The following PLXNA2 variants were observed in gnomAD, a reference collection of about 807,000 sequenced individuals.
The protein encoded by PLXNA2 is plexin-A2.
In PLXNA2, 91 loss-of-function variants were observed where a neutral mutation model predicts 193.5. The observed-to-expected ratio is 0.47, with a 90% CI of 0.40 to 0.56. The LOEUF (loss-of-function observed/expected upper bound fraction) is 0.56, where lower values mean the gene tolerates loss of function less well. Among genes scored for constraint, PLXNA2 ranks in the 20% least tolerant of loss-of-function variants. The probability of loss-of-function intolerance (pLI) is 0.00; values close to 1 mark genes in which losing one functional copy is unlikely to be tolerated. For missense variants in PLXNA2, 1,995 were observed against 2,503.2 expected (o/e 0.80, Z 4.33); for synonymous variants, 997 against 1,027.3 (o/e 0.97, Z 0.56).
rs758243005 is a variant in PLXNA2 at position 208,034,482 on chromosome 1, G to A, written c.4864+11C>T. The A allele has an allele frequency of 8.3e-6, 13 of 1,575,450 alleles. No individual in the cohort carries two copies. Among genetic ancestry groups the A allele is most frequent in the Middle Eastern group, 3.3e-4 (2 of 5,988 alleles). ...GCTCTGAGCTGCCCAGTCTGCCCTC[G>A]TGGTTCTCACCGTATCTGCTGATGG... is the stretch of plus-strand genomic sequence containing the variant. On this transcript the variant is annotated intron_variant, in intron 27 of 31. Transcript: ENST00000367033.
intron 3 of PLXNA2, among the ~76,000 whole-genome samples, chr1:208,185,705 A>AAG: frequency 7.7e-6 from 1 of 130,370 alleles, no homozygotes; most frequent in African/African-American, 2.9e-5. Flanking sequence ...GCAAAAAAAA[A>AAG]AAAAAAAAAA....
intron 27 of PLXNA2, 146 bp downstream of exon 27, chr1:208,034,347 G>A (rs1664604114): frequency 1.6e-6 from 1 of 616,102 alleles, no homozygotes. Context: ...GCCTGGACTA[G>A]GGAGGACAGA....
intron 3 of PLXNA2, among the ~76,000 whole-genome samples, chr1:208,190,912 C>T (rs1670158526): frequency 6.6e-6 from 1 of 152,202 alleles, no homozygotes; most frequent in African/African-American, 2.4e-5. Context: ...GGAGTACAGT[C>T]TACTCAGTCC....
chr1:208,199,930 C>A (rs778355758), intron 3 of PLXNA2, among the ~76,000 whole-genome samples: 24 of 152,212 alleles, frequency 1.6e-4, no homozygotes, highest in Non-Finnish European at 3.2e-4. Flanking sequence ...GCTACTAAAT[C>A]TATGATACAC....
chr1:208,073,584 C>A (rs10863693), intron 12 of PLXNA2, among the ~76,000 whole-genome samples: 31,911 of 152,074 alleles, frequency 0.21, 3,477 homozygotes, highest in Admixed American at 0.28. Flanking sequence ...GGCATCTCCC[C>A]CCTCTGATCA....
rs143539447 is a variant in PLXNA2, at chr1:208,084,481, C to T, written c.2197G>A (p.Gly733Ser). Residue 733 changes from glycine (G) to serine (S), a missense_variant, in exon 10 of 32, where the codon GGC becomes AGC. Around this residue, in one of 3 missense-constraint regions of PLXNA2, gnomAD observed 1,291 missense variants for 1,673.6 expected, o/e 0.77. Transcript: ENST00000367033. Reference sequence around the variant, plus strand: ...AGGACACACTCATAGCCTCGCTGGCCGGACTGCGGCTGGGGCAGATTTCGC... The same window carrying T: ...AGGACACACTCATAGCCTCGCTGGCTGGACTGCGGCTGGGGCAGATTTCGC... The part of the protein sequence containing the change: ...KARNLPQPQS[G>S]QRGYECVLNI... 5 of 1,614,244 alleles carry T rather than the reference C, an allele frequency of 3.1e-6. No homozygotes were observed. Among genetic ancestry groups the T allele is most frequent in the East Asian group, 2.2e-5 (1 of 44,878 alleles).
At chr1:208,090,515 C>T (rs1666673134) in intron 9 of PLXNA2, among the ~76,000 whole-genome samples, 1 of 152,152 alleles carries the variant, frequency 6.6e-6, no homozygotes, top group Admixed American at 6.5e-5. Context: ...GTGAGGAAGG[C>T]CGGGCCTGCT....
intron 3 of PLXNA2, among the ~76,000 whole-genome samples, chr1:208,157,599 G>A (rs1668975676): frequency 6.6e-6 from 1 of 152,118 alleles, no homozygotes; most frequent in African/African-American, 2.4e-5. Context: ...GGTGAGGTGG[G>A]GAGATACCAC....
chr1:208,200,130 T>A (rs183382316), intron 3 of PLXNA2, among the ~76,000 whole-genome samples: 1 of 152,150 alleles, frequency 6.6e-6, no homozygotes. Flanking sequence ...ATAGAAACCA[T>A]AACACAGGGT....
At chr1:208,060,278 C>T (rs532393419) in intron 13 of PLXNA2, among the ~76,000 whole-genome samples, 1 of 152,226 alleles carries the variant, frequency 6.6e-6, no homozygotes, top group Admixed American at 6.5e-5. Flanking sequence ...CCAGCGGAGG[C>T]CCTGCTCGGA....
At chr1:208,123,978 A>G (rs1667884985) in intron 4 of PLXNA2, among the ~76,000 whole-genome samples, 1 of 152,300 alleles carries the variant, frequency 6.6e-6, no homozygotes, top group African/African-American at 2.4e-5. Context: ...GAAACTATTT[A>G]AAGCCTATGT....
At chr1:208,143,189 C>A (rs1490419840) in intron 3 of PLXNA2, among the ~76,000 whole-genome samples, 1 of 152,232 alleles carries the variant, frequency 6.6e-6, no homozygotes, top group East Asian at 1.9e-4. Context: ...TAATCACAAT[C>A]TCTGTGGGTG....
intron 29 of PLXNA2, chr1:208,031,131 C>T (rs1190373119): frequency 3.8e-5 from 38 of 999,650 alleles, no homozygotes; most frequent in Admixed American, 1.0e-4. Flanking sequence ...CCAACTTCAC[C>T]GGGCGTCTCA....
In PLXNA2 at chr1:208,039,750, T is replaced by C; in HGVS notation, c.4371A>G (p.Pro1457=). 6.2e-7 allele frequency: 1 copy of C among 1,613,890 alleles called. No individual in the cohort carries two copies. The highest frequency in any genetic ancestry group is 2.2e-5 in the East Asian group (1 of 44,840). The change falls in exon 24 of 32, where the codon CCA becomes CCG. Residue 1457 remains proline, a synonymous_variant. Coordinates refer to ENST00000367033, the MANE Select transcript of PLXNA2 (RefSeq NM_025179.4). ...HKFLKECAGE[P]LFMLYCAIKQ... is the part of the protein sequence containing the mutation. The stretch of plus-strand genomic sequence containing the variant: ...TGATGGCACAGTATAGCATGAAGAG[T>C]GGCTCCCCTGCGCACTCCTGTGGGC...
At chr1:208,132,447 A>G (rs1668187545) in intron 4 of PLXNA2, among the ~76,000 whole-genome samples, 1 of 152,216 alleles carries the variant, frequency 6.6e-6, no homozygotes, top group East Asian at 1.9e-4. Flanking sequence ...GCTGTTGGAC[A>G]GCTTGGTGGC....
chr1:208,149,038 C>T (rs1232207981), intron 3 of PLXNA2, among the ~76,000 whole-genome samples: 1 of 152,234 alleles, frequency 6.6e-6, no homozygotes, highest in East Asian at 1.9e-4. Context: ...CAGGTCTCAG[C>T]ATCTGGCGTC....
intron 13 of PLXNA2, among the ~76,000 whole-genome samples, chr1:208,056,823 G>A (rs1428538412): frequency 1.3e-5 from 2 of 152,100 alleles, no homozygotes; most frequent in Admixed American, 1.3e-4. Flanking sequence ...GTGGGCAGAG[G>A]GCTGTGGTCA....
chr1:208,076,153 G>A (rs571729579), intron 12 of PLXNA2, among the ~76,000 whole-genome samples: 3 of 151,260 alleles, frequency 2.0e-5, no homozygotes, highest in African/African-American at 7.3e-5. Flanking sequence ...CTGTAGCCTC[G>A]GACTTCTGGA....
chr1:208,194,480 A>G (rs965163049), intron 3 of PLXNA2, among the ~76,000 whole-genome samples: 239 of 132,210 alleles, frequency 1.8e-3, no homozygotes, highest in African/African-American at 5.4e-3. Context: ...AAAAAAAAAA[A>G]GAAAGAAAAA....
Sources: allele counts gnomAD v4.1 joint callset (sites outside exome capture counted in the v4.1 genomes callset), GRCh38; gene constraint gnomAD v4.1.1; regional missense constraint gnomAD v4.1.1; transcripts MANE v1.5; gene names NCBI Gene and HGNC (gene_info 2026-07-23, HGNC 2026-07-21).